Variants in QTMAN observed in about 807,000 individuals in gnomAD.
QTMAN encodes tRNA-queuosine alpha-mannosyltransferase.
the QTMAN span, among the ~76,000 whole-genome samples, chr2:144,065,659 A>C: frequency 1.3e-5 from 2 of 152,026 alleles, no homozygotes; most frequent in Non-Finnish European, 2.9e-5. Context: ...AACTTTGCCC[A>C]TATCTTTGTA....
the QTMAN span, among the ~76,000 whole-genome samples, chr2:144,013,214 G>A: frequency 6.6e-6 from 1 of 152,124 alleles, no homozygotes; most frequent in Non-Finnish European, 1.5e-5. Flanking sequence ...CATTCATTCA[G>A]TAAGTACCTA....
the QTMAN span, among the ~76,000 whole-genome samples, chr2:143,983,288 T>C: frequency 6.6e-6 from 1 of 152,190 alleles, no homozygotes; most frequent in African/African-American, 2.4e-5. Flanking sequence ...ACAGTAAATA[T>C]ACAATAAAGA....
At chr2:144,306,889 C>T in the QTMAN span, among the ~76,000 whole-genome samples, 30 of 152,016 alleles carry the variant, frequency 2.0e-4, no homozygotes, top group East Asian at 5.8e-4. Flanking sequence ...TGGCTGGGCG[C>T]GGTGGCTCAG....
chr2:144,262,336 A>G, the QTMAN span, among the ~76,000 whole-genome samples: 5 of 152,058 alleles, frequency 3.3e-5, no homozygotes, highest in African/African-American at 1.2e-4. Context: ...TGTAACAATG[A>G]AGCACAATTC....
chr2:144,105,300 C>A, the QTMAN span, among the ~76,000 whole-genome samples: 2 of 152,174 alleles, frequency 1.3e-5, no homozygotes, highest in Non-Finnish European at 2.9e-5. Flanking sequence ...GATGATCAAA[C>A]TTCTCCGAGC....
At chr2:144,216,527 T>G in the QTMAN span, among the ~76,000 whole-genome samples, 1 of 152,240 alleles carries the variant, frequency 6.6e-6, no homozygotes, top group Non-Finnish European at 1.5e-5. Context: ...TACTTGATAC[T>G]AATGATTTCC....
At chr2:144,162,816 G>GAAGC in the QTMAN span, among the ~76,000 whole-genome samples, 1 of 152,276 alleles carries the variant, frequency 6.6e-6, no homozygotes, top group Admixed American at 6.5e-5. Flanking sequence ...AGCTAAGGAT[G>GAAGC]TGTCTATCAG....
chr2:144,050,475 T>G, the QTMAN span, among the ~76,000 whole-genome samples: 1 of 152,134 alleles, frequency 6.6e-6, no homozygotes, highest in African/African-American at 2.4e-5. Flanking sequence ...GTGGGGCTGG[T>G]GTAGAGAGTA....
chr2:144,217,231 A>G, the QTMAN span, among the ~76,000 whole-genome samples: 14 of 152,122 alleles, frequency 9.2e-5, no homozygotes, highest in Non-Finnish European at 1.8e-4. Context: ...TTTCTTTTAC[A>G]GAATACAAAA....
chr2:144,115,272 AAT>A, the QTMAN span, among the ~76,000 whole-genome samples: 8 of 151,982 alleles, frequency 5.3e-5, no homozygotes. Flanking sequence ...CAAAAACTGA[AAT>A]CTCTACGGTG....
the QTMAN span, among the ~76,000 whole-genome samples, chr2:143,989,800 A>T: frequency 6.6e-6 from 1 of 152,148 alleles, no homozygotes; most frequent in Non-Finnish European, 1.5e-5. Context: ...CATGTTTCAT[A>T]ATCAGTAAAA....
At chr2:144,271,452 G>A in the QTMAN span, among the ~76,000 whole-genome samples, 2 of 152,118 alleles carry the variant, frequency 1.3e-5, no homozygotes, top group Non-Finnish European at 2.9e-5. Flanking sequence ...ATTAGTTTAC[G>A]AATTATCCAT....
the QTMAN span, among the ~76,000 whole-genome samples, chr2:143,948,343 G>A: frequency 6.6e-6 from 1 of 152,060 alleles, no homozygotes; most frequent in African/African-American, 2.4e-5. Flanking sequence ...CAATGTTGAA[G>A]AACTTGAAGA....
At chr2:144,265,798 C>T in the QTMAN span, among the ~76,000 whole-genome samples, 1 of 152,232 alleles carries the variant, frequency 6.6e-6, no homozygotes, top group Non-Finnish European at 1.5e-5. Flanking sequence ...AATGTCCATT[C>T]TTACTCACAT....
At chr2:144,153,210 T>C in the QTMAN span, among the ~76,000 whole-genome samples, 1 of 152,222 alleles carries the variant, frequency 6.6e-6, no homozygotes, top group Non-Finnish European at 1.5e-5. Context: ...AGCAATTTGG[T>C]GACTCACTGC....
At chr2:144,177,186 C>T in the QTMAN span, 1 of 701,892 alleles carries the variant, frequency 1.4e-6, no homozygotes, top group Non-Finnish European at 2.6e-6. Context: ...AGGCATAAAT[C>T]CAAACCATAT....
the QTMAN span, among the ~76,000 whole-genome samples, chr2:144,304,097 G>C: frequency 6.6e-6 from 1 of 152,160 alleles, no homozygotes; most frequent in South Asian, 2.1e-4. Flanking sequence ...AAATATGAGA[G>C]AACAATAACA....
the QTMAN span, among the ~76,000 whole-genome samples, chr2:144,041,988 A>AACC: frequency 6.6e-6 from 1 of 152,132 alleles, no homozygotes; most frequent in Non-Finnish European, 1.5e-5. Flanking sequence ...CTGCAGAGAT[A>AACC]ACCAGGTACC....
chr2:144,120,620 G>A, the QTMAN span, among the ~76,000 whole-genome samples: 6 of 152,038 alleles, frequency 3.9e-5, no homozygotes, highest in South Asian at 1.0e-3. Context: ...ACATTCCCAC[G>A]AAATTTTATA....
Sources: allele counts gnomAD v4.1 joint callset (sites outside exome capture counted in the v4.1 genomes callset), GRCh38; gene constraint gnomAD v4.1.1; transcripts MANE v1.5; gene names NCBI Gene and HGNC (gene_info 2026-07-23, HGNC 2026-07-21).